Variants in EBF3 observed in about 807,000 individuals in gnomAD.
EBF3 encodes EBF transcription factor 3, also known as transcription factor COE3.
Under a neutral mutation model 77.1 loss-of-function variants are expected in EBF3, and 18 were observed. The ratio of observed to expected loss-of-function variants is 0.23; its 90% CI spans 0.16 to 0.35. The LOEUF is 0.35. Ranked by LOEUF, EBF3 falls within the 10% of genes least tolerant of loss-of-function variation. The pLI is 1.00. For synonymous variants in EBF3, 350 were observed against 343.5 expected (o/e 1.02, Z -0.21); for missense variants, 558 against 860.0 (o/e 0.65, Z 4.39).
chr10:129,909,872 A>G (rs1855400375), intron 6 of EBF3, among the ~76,000 whole-genome samples: 1 of 152,192 alleles, frequency 6.6e-6, no homozygotes, highest in Non-Finnish European at 1.5e-5. Context: ...TCTGGAAACA[A>G]TTACTCCTGG....
At chr10:129,926,214 G>A (rs1044923884) in intron 6 of EBF3, among the ~76,000 whole-genome samples, 2 of 152,178 alleles carry the variant, frequency 1.3e-5, no homozygotes, top group Non-Finnish European at 2.9e-5. Context: ...AGCATCTGAC[G>A]GGTGCCAGTC....
chr10:129,888,616 G>A (rs967081394), intron 6 of EBF3, among the ~76,000 whole-genome samples: 2 of 152,184 alleles, frequency 1.3e-5, no homozygotes, highest in East Asian at 1.9e-4. Flanking sequence ...AGCGGGTCCC[G>A]GCCGCGGTGG....
At chr10:129,912,106 C>T (rs150278329) in intron 6 of EBF3, among the ~76,000 whole-genome samples, 2 of 152,190 alleles carry the variant, frequency 1.3e-5, no homozygotes, top group Non-Finnish European at 2.9e-5. Flanking sequence ...TGCCCCACCA[C>T]CAAGTACAAA....
intron 6 of EBF3, among the ~76,000 whole-genome samples, chr10:129,884,768 A>G (rs1365649199): frequency 2.0e-5 from 3 of 152,202 alleles, no homozygotes; most frequent in Non-Finnish European, 4.4e-5. Flanking sequence ...ATGTAAATGT[A>G]GATGTATGAG....
chr10:129,842,179 C>T lies in EBF3; in HGVS notation c.1309G>A (p.Val437Ile), dbSNP rs756108231. The T allele has an allele frequency of 4.8e-5, 78 of 1,614,104 alleles. No individual in the cohort carries two copies. The highest frequency in any genetic ancestry group is 5.9e-5 in the Non-Finnish European group (70 of 1,180,058). The change falls in exon 13 of 17, where the codon GTC becomes ATC. Residue 437 changes from valine (V) to isoleucine (I), a missense_variant. By Grantham distance (29) the Val-to-Ile change is conservative. This residue lies in a region of EBF3 where 284 missense variants were observed against 368.3 expected (regional missense o/e 0.77). Coordinates refer to ENST00000440978, the MANE Select transcript of EBF3 (RefSeq NM_001375380.1). This position sits in a 1 kb window ranked among gnomAD's most constrained non-coding sequence, Gnocchi z 4.4. ...GCTAGCTGGCTGCTGAAGGAGTTGA[C>T]GCCCATCATGCCCGTGTGTGCAGGG... ...NNPAHTGMMGVNSFSSQLAVN... is the reference protein window; with the variant it reads ...NNPAHTGMMGINSFSSQLAVN...
At chr10:129,843,224 G>A (rs763636962) in intron 11 of EBF3, 22 bp from the exon 12 acceptor site, 1 of 1,600,824 alleles carries the variant, frequency 6.2e-7, no homozygotes, top group South Asian at 1.1e-5. Flanking sequence ...GCAGACAGGA[G>A]GTGATTCATG....
chr10:129,899,878 T>C (rs74436648), intron 6 of EBF3, among the ~76,000 whole-genome samples: 1 of 152,186 alleles, frequency 6.6e-6, no homozygotes, highest in Non-Finnish European at 1.5e-5. Context: ...CTCTCCAAGA[T>C]AGTGGAATAA....
chr10:129,960,302 C>A (rs1365444497), intron 4 of EBF3, among the ~76,000 whole-genome samples: 1 of 152,056 alleles, frequency 6.6e-6, no homozygotes, highest in Non-Finnish European at 1.5e-5. Context: ...TACTTCCAGG[C>A]GGACAAAGCC....
In EBF3 at chr10:129,963,224, C is replaced by G. The variant is rs1859665507; in HGVS notation, c.291+143G>C. 7.8e-7 allele frequency: 1 copy of G among 1,273,952 alleles called. No homozygotes were observed. The highest frequency in any genetic ancestry group is 1.0e-6 in the Non-Finnish European group (1 of 971,570). The allele number at this position is 1,273,952 out of a possible 1,614,324, so 78.9% of individuals were successfully genotyped here. A position where few individuals can be genotyped will look rare whatever the true frequency, so the allele number is the denominator to read the frequency against. ...GAAGTTGCCCAGCCCTCGGCGGTCCCGGGCGGCCGCACGTGGCGGCGGCGG... is the reference window on the plus strand; with the variant it reads ...GAAGTTGCCCAGCCCTCGGCGGTCCGGGGCGGCCGCACGTGGCGGCGGCGG... On this transcript the variant is annotated intron_variant, in intron 2 of 16. Coordinates refer to ENST00000440978, the MANE Select transcript of EBF3 (RefSeq NM_001375380.1). The surrounding 1 kb of genome is among the most constrained non-coding windows in gnomAD (Gnocchi z 7.1).
chr10:129,872,376 C>T (rs1005957773), intron 8 of EBF3, among the ~76,000 whole-genome samples: 72 of 152,048 alleles, frequency 4.7e-4, no homozygotes, highest in African/African-American at 1.5e-3. Context: ...ATACCTTAGT[C>T]ATTAATGTAG....
intron 6 of EBF3, among the ~76,000 whole-genome samples, chr10:129,949,827 C>A (rs1589941331): frequency 2.0e-5 from 3 of 152,110 alleles, no homozygotes; most frequent in Admixed American, 2.0e-4. Flanking sequence ...AGCTGGCAGG[C>A]CTCAATGGTC....
chr10:129,945,235 G>A (rs1858114213), intron 6 of EBF3, among the ~76,000 whole-genome samples: 1 of 150,678 alleles, frequency 6.6e-6, no homozygotes, highest in African/African-American at 2.4e-5. Flanking sequence ...GGAAGCAGAG[G>A]GAGGGAGGGG....
intron 11 of EBF3, among the ~76,000 whole-genome samples, chr10:129,847,725 T>G (rs574093844): frequency 3.9e-5 from 6 of 152,288 alleles, no homozygotes; most frequent in Middle Eastern, 3.4e-3. Context: ...AGAGACAAAA[T>G]TATATCAAAG....
intron 11 of EBF3, among the ~76,000 whole-genome samples, chr10:129,846,479 A>G (rs768090959): frequency 1.3e-5 from 2 of 151,178 alleles, no homozygotes; most frequent in Admixed American, 6.6e-5. Flanking sequence ...GCGGAATCTC[A>G]TCTCTCATTT....
intron 6 of EBF3, among the ~76,000 whole-genome samples, chr10:129,883,165 C>T (rs1355034025): frequency 1.1e-4 from 16 of 152,256 alleles, no homozygotes; most frequent in African/African-American, 3.4e-4. Flanking sequence ...TTGGTTTCTC[C>T]AGCGCTTGAA....
rs936391041 is a variant in EBF3 at position 129,861,115 on chromosome 10, C to A, written c.1039+6026G>T. ...TTATCGAATCTCACCCCAGCACCCA[C>A]TTAGCATGCTGGCAGATTAACTGAT... On this transcript the variant is annotated intron_variant, in intron 10 of 16. Transcript: ENST00000440978. The surrounding 1 kb of genome is among the most constrained non-coding windows in gnomAD (Gnocchi z 4.3). Among the ~76,000 whole-genome samples the A allele has an allele frequency of 2.0e-5, 3 of 152,212 alleles. No individual in the cohort carries two copies. The highest frequency in any genetic ancestry group is 4.4e-5 in the Non-Finnish European group (3 of 68,038).
At chr10:129,873,669 G>A (rs1852563332) in intron 7 of EBF3, 73 bp from the exon 8 acceptor site, 1 of 1,406,332 alleles carries the variant, frequency 7.1e-7, no homozygotes, top group Admixed American at 2.6e-5. Context: ...CAAAATACAA[G>A]CCATCTTAAA....
At chr10:129,854,682 G>A (rs1851124330) in intron 10 of EBF3, among the ~76,000 whole-genome samples, 1 of 152,154 alleles carries the variant, frequency 6.6e-6, no homozygotes, top group Admixed American at 6.5e-5. Context: ...GATCAATAGT[G>A]GCTAAATTAT....
chr10:129,909,154 G>T (rs1855344425), intron 6 of EBF3, among the ~76,000 whole-genome samples: 1 of 152,178 alleles, frequency 6.6e-6, no homozygotes, highest in Non-Finnish European at 1.5e-5. Context: ...ACTTCCCCAT[G>T]ACTAGGAAAT....
Sources: gnomAD v4.1 joint callset for allele counts (sites outside exome capture counted in the v4.1 genomes callset) on GRCh38, gnomAD v4.1.1 for gene constraint, gnomAD v4.1.1 regional missense constraint, Gnocchi (gnomAD v3.1) non-coding constraint, MANE v1.5 for transcripts, NCBI Gene and HGNC (gene_info 2026-07-23, HGNC 2026-07-21) for gene names.